SLIT3: variants seen among roughly 807,000 people sequenced by gnomAD.
The protein encoded by SLIT3 is slit guidance ligand 3.
Under a neutral mutation model 184.0 loss-of-function variants are expected in SLIT3, and 68 were observed. The ratio of observed to expected loss-of-function variants is 0.37; its 90% CI spans 0.30 to 0.45. SLIT3 has a LOEUF of 0.45. SLIT3 is among the 20% of genes least tolerant of loss of function. The pLI is 1.00. For synonymous variants in SLIT3, 831 were observed against 828.6 expected (o/e 1.00, Z -0.05); for missense variants, 1,707 against 2,026.0 (o/e 0.84, Z 3.02).
At chr5:168,889,258 G>T (rs1760345044) in intron 4 of SLIT3, among the ~76,000 whole-genome samples, 1 of 152,202 alleles carries the variant, frequency 6.6e-6, no homozygotes, top group African/African-American at 2.4e-5. Context: ...TTGTATGTTT[G>T]CAGTTGGGTC....
At chr5:169,041,922 C>T (rs1757460437) in intron 4 of SLIT3, among the ~76,000 whole-genome samples, 1 of 152,280 alleles carries the variant, frequency 6.6e-6, no homozygotes, top group South Asian at 2.1e-4. Flanking sequence ...TGCCAAGATC[C>T]CTTCCTGGAA....
chr5:169,033,261 G>C (rs1270522105), intron 4 of SLIT3, among the ~76,000 whole-genome samples: 1 of 151,952 alleles, frequency 6.6e-6, no homozygotes, highest in Non-Finnish European at 1.5e-5. Flanking sequence ...CTCCAGGCTC[G>C]TCTATGTTGT....
At chr5:168,972,336 C>CAT (rs1554086364) in intron 4 of SLIT3, among the ~76,000 whole-genome samples, 2 of 39,778 alleles carry the variant, frequency 5.0e-5, no homozygotes, top group Non-Finnish European at 8.2e-5. Context: ...TGCAGGACAA[C>CAT]ATGTGTGTGT....
chr5:168,855,263 G>A (rs1324858427), intron 5 of SLIT3, among the ~76,000 whole-genome samples: 1 of 152,250 alleles, frequency 6.6e-6, no homozygotes, highest in Non-Finnish European at 1.5e-5. Flanking sequence ...CTCCTACATA[G>A]CTGGAGGGAA....
intron 3 of SLIT3, among the ~76,000 whole-genome samples, chr5:169,230,013 T>G (rs761658300): frequency 1.3e-5 from 2 of 152,214 alleles, no homozygotes; most frequent in Non-Finnish European, 2.9e-5. Context: ...AGTCCTCATC[T>G]GCTGCTCACT....
intron 7 of SLIT3, 81 bp from the exon 8 acceptor site, chr5:168,817,544 AC>A: frequency 7.4e-7 from 1 of 1,344,920 alleles, no homozygotes; most frequent in Non-Finnish European, 1.0e-6. Context: ...AGTGACCAAA[AC>A]CCCTGTTGCC....
At chr5:169,258,301 CATAA>C (rs1766047072) in intron 1 of SLIT3, among the ~76,000 whole-genome samples, 1 of 152,168 alleles carries the variant, frequency 6.6e-6, no homozygotes, top group African/African-American at 2.4e-5. Flanking sequence ...TAAAAGAATG[CATAA>C]ATAAATGCAC....
At chr5:168,928,928 CG>C (rs1761910894) in intron 4 of SLIT3, among the ~76,000 whole-genome samples, 1 of 152,152 alleles carries the variant, frequency 6.6e-6, no homozygotes, top group South Asian at 2.1e-4. Context: ...TGCCTCTTGG[CG>C]TAAGACTCTT....
intron 16 of SLIT3, among the ~76,000 whole-genome samples, chr5:168,755,429 CTTTCTTTCTTTCTTTCTTTT>C (rs1754896876): frequency 1.8e-5 from 1 of 56,478 alleles, no homozygotes; most frequent in Non-Finnish European, 4.5e-5. Flanking sequence ...TTCTTTCTTT[CTTTCTTTCTTTCTTTCTTTT>C]TGAGACAGAA....
rs1761040728 is a variant in SLIT3 at position 168,666,334 on chromosome 5, T to C, written c.*120A>G. 1 of 957,172 alleles carries C rather than the reference T, an allele frequency of 1.0e-6. No individual in the cohort carries two copies. The highest frequency in any genetic ancestry group is 1.5e-6 in the Non-Finnish European group (1 of 683,500). The allele number at this position is 957,172 out of a possible 1,614,324, so 59.3% of individuals were successfully genotyped here. A position where few individuals can be genotyped will look rare whatever the true frequency, so the allele number is the denominator to read the frequency against. ...TTTTACAATATACTTAATATTCTCT[T>C]CTTCTTTACCTTCCTCTCCAGCTTC... On this transcript the variant is annotated 3_prime_UTR_variant, in exon 36 of 36. Coordinates refer to ENST00000519560, the MANE Select transcript of SLIT3 (RefSeq NM_003062.4).
At chr5:169,169,504 C>T (rs1762751966) in intron 4 of SLIT3, among the ~76,000 whole-genome samples, 1 of 152,194 alleles carries the variant, frequency 6.6e-6, no homozygotes, top group South Asian at 2.1e-4. Flanking sequence ...TTCTCCCAGC[C>T]TTTCCATGCA....
rs140904844 is a variant in SLIT3, at chr5:169,294,857, G to A, written c.197+5656C>T. ...ATAGCATGTTCCTCTACAGAATACC[G>A]TAAGCCACTGTGACACAATCATAAG... is the stretch of plus-strand genomic sequence containing the variant. On this transcript the variant is annotated intron_variant, in intron 1 of 35. Coordinates refer to ENST00000519560, the MANE Select transcript of SLIT3 (RefSeq NM_003062.4). 4.0e-3 allele frequency among the ~76,000 whole-genome samples: 610 copies of A among 152,200 alleles called. 5 individuals are homozygous for A. The highest frequency in any genetic ancestry group is 0.014 in the Middle Eastern group (4 of 294).
At position 168,823,323 on chromosome 5, in the gene SLIT3, T is replaced by C. The variant is rs1757594396; in HGVS notation, c.566A>G (p.Asn189Ser). 1.2e-6 allele frequency: 2 copies of C among 1,613,582 alleles called. No individual in the cohort carries two copies. Among genetic ancestry groups the C allele is most frequent in the Non-Finnish European group, 1.7e-6 (2 of 1,179,552 alleles). Residue 189 changes from asparagine (N) to serine (S), a missense_variant, in exon 7 of 36, where the codon AAC (asparagine) becomes AGC (serine). Asn to Ser is a conservative substitution (Grantham distance 46). Coordinates refer to ENST00000519560, the MANE Select transcript of SLIT3 (RefSeq NM_003062.4). The part of the protein sequence containing the change: ...ALRDLEILTL[N>S]NNNISRILVT... Reference sequence around the variant, plus strand: ...CAGGATGCGACTGATGTTGTTGTTGTTGAGGGTACTGTGGAGATAGACAAG... The same window carrying C: ...CAGGATGCGACTGATGTTGTTGTTGCTGAGGGTACTGTGGAGATAGACAAG...
At chr5:169,193,195 A>G (rs1468124980) in intron 4 of SLIT3, among the ~76,000 whole-genome samples, 1 of 152,112 alleles carries the variant, frequency 6.6e-6, no homozygotes, top group Non-Finnish European at 1.5e-5. Flanking sequence ...CAGACCCACA[A>G]TCCATGGAAG....
At position 168,883,315 on chromosome 5, in the gene SLIT3, G is replaced by C. The variant is rs748156668; in HGVS notation, c.435C>G (p.Ile145Met). 1.2e-6 allele frequency: 2 copies of C among 1,613,856 alleles called. No individual in the cohort carries two copies. The highest frequency in any genetic ancestry group is 1.3e-5 in the African/African-American group (1 of 74,906). The change falls in exon 5 of 36, where the codon ATC becomes ATG. Residue 145 changes from isoleucine (I) to methionine (M), a missense_variant. Coordinates refer to ENST00000519560, the MANE Select transcript of SLIT3 (RefSeq NM_003062.4). ...GGAACGCCTTCCTCGGGATCCCCTG[G>C]ATCTGGTTTTCACTCAAATCTCTAA... is the stretch of plus-strand genomic sequence containing the variant. ...LTRLDLSENQ[I>M]QGIPRKAFRG... is the part of the protein sequence containing the mutation.
intron 4 of SLIT3, among the ~76,000 whole-genome samples, chr5:168,970,442 C>T (rs2113319823): frequency 6.6e-6 from 1 of 150,940 alleles, no homozygotes; most frequent in African/African-American, 2.4e-5. Flanking sequence ...TTGCAGTGAG[C>T]TGAGATAGCG....
intron 26 of SLIT3, chr5:168,706,638 A>T (rs1411423271): frequency 6.6e-6 from 1 of 152,102 alleles, no homozygotes; most frequent in African/African-American, 2.4e-5. Flanking sequence ...TGATTTTTAT[A>T]ATCAGCTTAT....
chr5:169,096,861 T>C (rs952055822), intron 4 of SLIT3, among the ~76,000 whole-genome samples: 8 of 152,234 alleles, frequency 5.3e-5, no homozygotes, highest in African/African-American at 1.7e-4. Context: ...GGAGCTGAGA[T>C]TCCTTCCCAG....
At chr5:169,196,437 G>A (rs888503021) in intron 3 of SLIT3, among the ~76,000 whole-genome samples, 7 of 152,266 alleles carry the variant, frequency 4.6e-5, no homozygotes, top group South Asian at 4.2e-4. Flanking sequence ...CAGTGTCTAC[G>A]CAAGCGTTCA....
Sources: allele counts gnomAD v4.1 joint callset (sites outside exome capture counted in the v4.1 genomes callset), GRCh38; gene constraint gnomAD v4.1.1; transcripts MANE v1.5; gene names NCBI Gene and HGNC (gene_info 2026-07-23, HGNC 2026-07-21).